The following HCN1 variants were observed in gnomAD, a reference collection of about 807,000 sequenced individuals.
HCN1 encodes the protein potassium/sodium hyperpolarization-activated cyclic nucleotide-gated channel 1.
In HCN1, 13 loss-of-function variants were observed where a neutral mutation model predicts 78.9. That is an observed-to-expected ratio of 0.16 (90% CI 0.11 to 0.26). HCN1 has a LOEUF of 0.26. Among genes scored for constraint, HCN1 ranks in the 10% least tolerant of loss-of-function variants. The pLI, the probability that HCN1 is intolerant of heterozygous loss-of-function variation, is 1.00. For missense variants in HCN1, 810 were observed against 1,154.3 expected (o/e 0.70, Z 4.32); for synonymous variants, 552 against 455.5 (o/e 1.21, Z -2.70).
chr5:45,338,886 C>T lies in HCN1; in HGVS notation c.1377+14214G>A, dbSNP rs373304953. ...AATAACTTGTTATCTTTCTGCCATA[C>T]GTTTCTTTACTTTCTTATTCTACTC... On this transcript the variant is annotated intron_variant, in intron 5 of 7. Transcript: ENST00000303230. Among the ~76,000 whole-genome samples the T allele has an allele frequency of 2.4e-4, 37 of 152,238 alleles. No homozygotes were observed. In the South Asian group the frequency reaches 7.2e-3, roughly 30 times the overall value.
At chr5:45,454,684 G>A (rs933450683) in intron 3 of HCN1, among the ~76,000 whole-genome samples, 2 of 151,780 alleles carry the variant, frequency 1.3e-5, no homozygotes, top group African/African-American at 4.8e-5. Flanking sequence ...ATATTACTTT[G>A]GCTATATTAT....
chr5:45,375,318 TATA>T (rs1284970120), intron 4 of HCN1, among the ~76,000 whole-genome samples: 10 of 115,632 alleles, frequency 8.6e-5, no homozygotes, highest in Non-Finnish European at 1.3e-4. Context: ...ATATATATAA[TATA>T]ATATTTTATG....
chr5:45,392,682 C>T (rs1213322275), intron 4 of HCN1, among the ~76,000 whole-genome samples: 4 of 150,922 alleles, frequency 2.7e-5, no homozygotes, highest in Non-Finnish European at 1.5e-5. Context: ...ACTAAAAATA[C>T]AAAAATTAGT....
At chr5:45,327,151 G>C (rs1054323689) in intron 5 of HCN1, among the ~76,000 whole-genome samples, 5 of 151,550 alleles carry the variant, frequency 3.3e-5, no homozygotes, top group Non-Finnish European at 5.9e-5. Flanking sequence ...TCCATCTGTA[G>C]CAAGGTGTAA....
chr5:45,656,075 A>G (rs1337715156), intron 1 of HCN1, among the ~76,000 whole-genome samples: 6 of 152,054 alleles, frequency 3.9e-5, no homozygotes, highest in Non-Finnish European at 7.4e-5. Flanking sequence ...TCTGCCTAAT[A>G]TGAAGAAGTT....
Position 45,379,191 on chromosome 5 carries a change from C to T in HCN1, c.1230+17301G>A, listed in dbSNP as rs559263151. Among the ~76,000 whole-genome samples, 12 of 152,206 alleles carry T rather than the reference C, an allele frequency of 7.9e-5. No homozygotes were observed. The South Asian group carries it at 1.2e-3, about 16-fold the overall frequency. On this transcript the variant is annotated intron_variant, in intron 4 of 7. Transcript: ENST00000303230. ...TTCTAGTTCTAGATGCTTGAGGAAT[C>T]GCCACACTGTCTTCCACAATGGTTG...
intron 5 of HCN1, among the ~76,000 whole-genome samples, chr5:45,314,457 A>C (rs1745932890): frequency 6.6e-6 from 1 of 152,198 alleles, no homozygotes; most frequent in African/African-American, 2.4e-5. Flanking sequence ...GCATCAACTA[A>C]TGAGCAAAAT....
intron 2 of HCN1, among the ~76,000 whole-genome samples, chr5:45,638,812 G>A (rs1485031754): frequency 1.3e-5 from 2 of 152,120 alleles, no homozygotes; most frequent in Admixed American, 1.3e-4. Flanking sequence ...TGAGACAGGA[G>A]AATCACTTGA....
intron 4 of HCN1, among the ~76,000 whole-genome samples, chr5:45,378,876 GT>G (rs1306684475): frequency 6.6e-6 from 1 of 151,948 alleles, no homozygotes; most frequent in Non-Finnish European, 1.5e-5. Flanking sequence ...TGCGGTGTTT[GT>G]TTTTTTGTCC....
chr5:45,668,198 T>A (rs1457162116), intron 1 of HCN1, among the ~76,000 whole-genome samples: 1 of 151,920 alleles, frequency 6.6e-6, no homozygotes, highest in African/African-American at 2.4e-5. Context: ...ATTATCAAAA[T>A]AGATAGCTAC....
intron 4 of HCN1, among the ~76,000 whole-genome samples, chr5:45,375,398 ATAT>A (rs543747198): frequency 1.3e-4 from 16 of 122,716 alleles, no homozygotes; most frequent in South Asian, 4.8e-4. Flanking sequence ...TTTATGATAC[ATAT>A]TATATATAAG....
At chr5:45,529,158 C>T (rs1460593828) in intron 2 of HCN1, among the ~76,000 whole-genome samples, 3 of 152,036 alleles carry the variant, frequency 2.0e-5, no homozygotes, top group Non-Finnish European at 4.4e-5. Flanking sequence ...TATCTATTAA[C>T]ATATTGTTTT....
At chr5:45,372,886 C>A (rs1277626349) in intron 4 of HCN1, among the ~76,000 whole-genome samples, 1 of 139,970 alleles carries the variant, frequency 7.1e-6, no homozygotes, top group Non-Finnish European at 1.5e-5. Flanking sequence ...ATTCTATACA[C>A]AAAAATATGT....
At chr5:45,618,828 T>C (rs1232214270) in intron 2 of HCN1, among the ~76,000 whole-genome samples, 2 of 150,922 alleles carry the variant, frequency 1.3e-5, no homozygotes, top group African/African-American at 4.9e-5. Flanking sequence ...GATCAAAAAA[T>C]AAAATAAAAA....
intron 2 of HCN1, among the ~76,000 whole-genome samples, chr5:45,592,825 G>A (rs901014733): frequency 6.6e-6 from 1 of 152,000 alleles, no homozygotes; most frequent in African/African-American, 2.4e-5. Context: ...ATAGGTACAA[G>A]AACCAAACCA....
intron 7 of HCN1, among the ~76,000 whole-genome samples, chr5:45,263,767 A>T (rs920137988): frequency 1.8e-4 from 27 of 151,896 alleles, no homozygotes; most frequent in African/African-American, 3.6e-4. Flanking sequence ...TTCTTTTTTT[A>T]AAATTTATTA....
chr5:45,586,470 CCCGGGTGAGGCGAT>C, intron 2 of HCN1, among the ~76,000 whole-genome samples: 1 of 152,282 alleles, frequency 6.6e-6, no homozygotes, highest in Admixed American at 6.5e-5. Flanking sequence ...CCTTGCGCTT[CCCGGGTGAGGCGAT>C]GCCTCACCCT....
At chr5:45,658,617 C>T (rs1011705864) in intron 1 of HCN1, among the ~76,000 whole-genome samples, 1 of 151,762 alleles carries the variant, frequency 6.6e-6, no homozygotes, top group Admixed American at 6.6e-5. Context: ...CGAGCCGAAG[C>T]AGGGCGAGGC....
At chr5:45,349,511 A>T (rs925464200) in intron 5 of HCN1, among the ~76,000 whole-genome samples, 2 of 152,214 alleles carry the variant, frequency 1.3e-5, no homozygotes, top group Non-Finnish European at 2.9e-5. Flanking sequence ...GAAGGCAAGA[A>T]ATAACTAAAA....
Sources: allele counts gnomAD v4.1 joint callset (sites outside exome capture counted in the v4.1 genomes callset), GRCh38; gene constraint gnomAD v4.1.1; transcripts MANE v1.5; gene names NCBI Gene and HGNC (gene_info 2026-07-23, HGNC 2026-07-21).